VWC2: variants seen among roughly 807,000 people sequenced by gnomAD.
VWC2 encodes von Willebrand factor C domain containing 2.
In VWC2, 14 loss-of-function variants were observed where a neutral mutation model predicts 29.8. The ratio of observed to expected loss-of-function variants is 0.47; its 90% CI spans 0.31 to 0.74. VWC2 has a LOEUF of 0.74. Among genes scored for constraint, VWC2 ranks in the 30% least tolerant of loss-of-function variants. VWC2 has a pLI of 0.05. For missense variants in VWC2, 457 were observed against 459.8 expected, an observed-to-expected ratio of 0.99 and a Z score of 0.05; for synonymous variants, 213 against 199.0, an observed-to-expected ratio of 1.07 and a Z score of -0.59.
At chr7:49,815,087 T>C (rs956313918) in intron 3 of VWC2, among the ~76,000 whole-genome samples, 2 of 152,252 alleles carry the variant, frequency 1.3e-5, no homozygotes, top group Non-Finnish European at 2.9e-5. Flanking sequence ...CATTTTTATA[T>C]ATATTGTAGC....
At chr7:49,775,306 T>G in intron 1 of VWC2, 27 bp from the exon 2 acceptor site, 12 of 493,238 alleles carry the variant, frequency 2.4e-5, no homozygotes, top group East Asian at 4.8e-5. Flanking sequence ...GCCGCGGGGC[T>G]CAGTTGTGCT....
At chr7:49,877,481 A>AAAAAATATACATATATATAT in intron 3 of VWC2, among the ~76,000 whole-genome samples, 173 of 12,726 alleles carry the variant, frequency 0.014, 58 homozygotes, top group East Asian at 0.022. Context: ...AAAAAAAAAA[A>AAAAAATATACATATATATAT]ATATATATAT....
At chr7:49,786,100 G>A (rs1470124060) in intron 2 of VWC2, among the ~76,000 whole-genome samples, 1 of 152,164 alleles carries the variant, frequency 6.6e-6, no homozygotes, top group Non-Finnish European at 1.5e-5. Flanking sequence ...ACTGAACATA[G>A]TATGCAACAG....
intron 3 of VWC2, among the ~76,000 whole-genome samples, chr7:49,811,393 C>T (rs1412883850): frequency 6.6e-6 from 1 of 152,084 alleles, no homozygotes; most frequent in Non-Finnish European, 1.5e-5. Flanking sequence ...ATAGTGAGTT[C>T]CCATGAGAGC....
chr7:49,859,494 T>C (rs1421602747), intron 3 of VWC2, among the ~76,000 whole-genome samples: 4 of 152,356 alleles, frequency 2.6e-5, no homozygotes, highest in African/African-American at 9.6e-5. Context: ...TTTTTTTTCT[T>C]GTTGTTCTTC....
At chr7:49,813,102 T>C (rs1301266796) in intron 3 of VWC2, among the ~76,000 whole-genome samples, 2 of 152,196 alleles carry the variant, frequency 1.3e-5, no homozygotes, top group Non-Finnish European at 2.9e-5. Context: ...AAATACCCTC[T>C]TTCTCCTTCA....
intron 3 of VWC2, among the ~76,000 whole-genome samples, chr7:49,848,273 C>G (rs1790035480): frequency 6.6e-6 from 1 of 152,196 alleles, no homozygotes; most frequent in Non-Finnish European, 1.5e-5. Flanking sequence ...GAGTGTCACC[C>G]TCCCACCTCC....
At chr7:49,798,057 G>A (rs13237574) in intron 2 of VWC2, among the ~76,000 whole-genome samples, 5 of 152,196 alleles carry the variant, frequency 3.3e-5, no homozygotes, top group Non-Finnish European at 4.4e-5. Flanking sequence ...TCATCTGATC[G>A]GAAAAAATGT....
intron 3 of VWC2, among the ~76,000 whole-genome samples, chr7:49,837,311 G>C (rs971431783): frequency 6.6e-6 from 1 of 152,202 alleles, no homozygotes; most frequent in Non-Finnish European, 1.5e-5. Flanking sequence ...GACATTCTTA[G>C]AGTAATTGCT....
chr7:49,899,038 C>T (rs1275131807), intron 3 of VWC2, among the ~76,000 whole-genome samples: 1 of 151,836 alleles, frequency 6.6e-6, no homozygotes, highest in Non-Finnish European at 1.5e-5. Flanking sequence ...GCTATATACA[C>T]CAAGAAACAG....
At chr7:49,893,980 G>C (rs1015544210) in intron 3 of VWC2, among the ~76,000 whole-genome samples, 1 of 152,182 alleles carries the variant, frequency 6.6e-6, no homozygotes, top group African/African-American at 2.4e-5. Flanking sequence ...CTCACTGCTT[G>C]GAGTTCTGCT....
chr7:49,869,730 T>A (rs751001609), intron 3 of VWC2, among the ~76,000 whole-genome samples: 1 of 152,180 alleles, frequency 6.6e-6, no homozygotes, highest in Non-Finnish European at 1.5e-5. Flanking sequence ...GTGACAAACT[T>A]AAATCTATGT....
chr7:49,896,254 T>G (rs148330572), intron 3 of VWC2, among the ~76,000 whole-genome samples: 479 of 152,218 alleles, frequency 3.1e-3, no homozygotes, highest in African/African-American at 0.011. Flanking sequence ...GGCACAAGAA[T>G]CGCTTGAACC....
chr7:49,890,115 TC>T (rs1792068189), intron 3 of VWC2, among the ~76,000 whole-genome samples: 1 of 152,148 alleles, frequency 6.6e-6, no homozygotes, highest in African/African-American at 2.4e-5. Context: ...CCCATACATC[TC>T]CTTTAGGAAC....
At chr7:49,780,149 G>A (rs1465854558) in intron 2 of VWC2, among the ~76,000 whole-genome samples, 1 of 152,218 alleles carries the variant, frequency 6.6e-6, no homozygotes, top group Non-Finnish European at 1.5e-5. Flanking sequence ...TGGGAAAACA[G>A]TGCTTATGAC....
At chr7:49,796,552 C>T (rs1788593261) in intron 2 of VWC2, among the ~76,000 whole-genome samples, 2 of 150,250 alleles carry the variant, frequency 1.3e-5, no homozygotes, top group Non-Finnish European at 2.9e-5. Flanking sequence ...AATATGTTTG[C>T]ATTCCCAGGT....
chr7:49,903,618 T>C (rs768908313), intron 3 of VWC2, among the ~76,000 whole-genome samples: 1 of 152,100 alleles, frequency 6.6e-6, no homozygotes, highest in Non-Finnish European at 1.5e-5. Flanking sequence ...TGTGACTATA[T>C]AGGGTGGCAG....
intron 2 of VWC2, among the ~76,000 whole-genome samples, chr7:49,779,636 A>G (rs576028212): frequency 6.6e-6 from 1 of 151,438 alleles, no homozygotes; most frequent in African/African-American, 2.4e-5. Flanking sequence ...TCTGCTTCCT[A>G]CAGTACATTA....
Position 49,912,230 on chromosome 7 carries a change from C to T in VWC2, c.*45C>T, listed in dbSNP as rs745531924. On this transcript the variant is annotated 3_prime_UTR_variant, in exon 4 of 4. Coordinates refer to ENST00000340652, the MANE Select transcript of VWC2 (RefSeq NM_198570.5). ...CTCTGACTTTTTCTAGAACATTTTA[C>T]TGATGTGAACATTCTAGATGACTCT... 19 of 1,606,326 alleles carry T rather than the reference C, an allele frequency of 1.2e-5. No homozygotes were observed. The highest frequency in any genetic ancestry group is 1.6e-5 in the Non-Finnish European group (19 of 1,174,442).
Sources: allele counts gnomAD v4.1 joint callset (sites outside exome capture counted in the v4.1 genomes callset), GRCh38; gene constraint gnomAD v4.1.1; transcripts MANE v1.5; gene names NCBI Gene and HGNC (gene_info 2026-07-23, HGNC 2026-07-21).